The following ARPC5L variants were observed in gnomAD, a reference collection of about 807,000 sequenced individuals.
ARPC5L encodes the protein actin related protein 2/3 complex subunit 5 like.
A neutral mutation model predicts 16.9 loss-of-function variants in ARPC5L; 4 were observed. The ratio of observed to expected loss-of-function variants is 0.24; its 90% CI spans 0.12 to 0.54. ARPC5L has a LOEUF of 0.54. ARPC5L is among the 20% of genes least tolerant of loss of function. The probability of loss-of-function intolerance (pLI) is 0.95; values close to 1 mark genes in which losing one functional copy is unlikely to be tolerated. For synonymous variants in ARPC5L, 78 were observed against 82.6 expected (o/e 0.94, Z 0.30); for missense variants, 151 against 201.9 (o/e 0.75, Z 1.53).
chr9:124,877,003 G>A lies in ARPC5L; in HGVS notation c.*63G>A. ...CTGGATGCCCAGGCTGGTGAAGAAG[G>A]GATTGACAATGGACCATCTTCCTAG... is the stretch of plus-strand genomic sequence containing the variant. On this transcript the variant is annotated 3_prime_UTR_variant, in exon 6 of 6. Transcript: ENST00000353214. 1 of 1,387,162 alleles carries A rather than the reference G, an allele frequency of 7.2e-7. No individual in the cohort carries two copies. The highest frequency in any genetic ancestry group is 1.2e-5 in the South Asian group (1 of 81,268). 85.9% of individuals were successfully genotyped at this position (1,387,162 alleles called of 1,614,324 possible). A position where few individuals can be genotyped will look rare whatever the true frequency, so the allele number is the denominator to read the frequency against.
Position 124,873,004 on chromosome 9 carries a change from A to G in ARPC5L, c.150-688A>G, listed in dbSNP as rs187433138. 6.6e-5 allele frequency: 10 copies of G among 152,378 alleles called. No individual in the cohort carries two copies. In the East Asian group the frequency reaches 1.9e-3, roughly 29 times the overall value. 9.4% of individuals were successfully genotyped at this position (152,378 alleles called of 1,614,324 possible). On this transcript the variant is annotated intron_variant, in intron 3 of 5. Coordinates refer to ENST00000353214, the MANE Select transcript of ARPC5L (RefSeq NM_030978.3). The stretch of plus-strand genomic sequence containing the variant: ...GTTGGCTGATGTAATTCAGTTTAAA[A>G]TAGGTGTCACCTTTGGGGACCTAAC...
At chr9:124,866,668 A>G (rs1326674598) in intron 2 of ARPC5L, among the ~76,000 whole-genome samples, 57 of 152,090 alleles carry the variant, frequency 3.7e-4, no homozygotes, top group Admixed American at 3.7e-3. Flanking sequence ...CGGTGAACTG[A>G]GATAGCCCCA....
In ARPC5L at chr9:124,874,446, C is replaced by A. The variant is rs540703205; in HGVS notation, c.223-529C>A. Reference sequence around the variant, plus strand: ...GGGTGCCATGGTTTATGCCTGTAATCCCAGCACTTTGGGAGGCAGGAGGAT... The same window carrying A: ...GGGTGCCATGGTTTATGCCTGTAATACCAGCACTTTGGGAGGCAGGAGGAT... On this transcript the variant is annotated intron_variant, in intron 4 of 5. Coordinates refer to ENST00000353214, the MANE Select transcript of ARPC5L (RefSeq NM_030978.3). Among the ~76,000 whole-genome samples, 2 of 152,164 alleles carry A rather than the reference C, an allele frequency of 1.3e-5. 1 individual carries two copies. The highest frequency in any genetic ancestry group is 1.3e-4 in the Admixed American group (2 of 15,280).
At chr9:124,876,421 G>T (rs146695043) in intron 5 of ARPC5L, among the ~76,000 whole-genome samples, 3 of 152,070 alleles carry the variant, frequency 2.0e-5, no homozygotes, top group Non-Finnish European at 4.4e-5. Flanking sequence ...GGGGAGGCAG[G>T]GTTGCAGTGA....
Position 124,869,487 on chromosome 9 carries a change from C to T in ARPC5L, c.149+48C>T, listed in dbSNP as rs1037288007. 4.3e-6 allele frequency: 6 copies of T among 1,404,644 alleles called. No individual in the cohort carries two copies. In the African/African-American group the frequency reaches 9.2e-5, roughly 21 times the overall value. The allele number at this position is 1,404,644 out of a possible 1,614,324, so 87.0% of individuals were successfully genotyped here. ...CCGGGCCTGCGCGCGGCCTTCTCAC[C>T]TTCCCACCTTCCCACCTTCTCGGGC... On this transcript the variant is annotated intron_variant, in intron 3 of 5. Coordinates refer to ENST00000353214, the MANE Select transcript of ARPC5L (RefSeq NM_030978.3).
At chr9:124,867,534 T>C (rs1338325541) in intron 2 of ARPC5L, among the ~76,000 whole-genome samples, 1 of 152,150 alleles carries the variant, frequency 6.6e-6, no homozygotes, top group South Asian at 2.1e-4. Context: ...TCGTATAATA[T>C]GGATTTTTAA....
At chr9:124,870,894 G>T (rs958189444) in intron 3 of ARPC5L, among the ~76,000 whole-genome samples, 2 of 152,180 alleles carry the variant, frequency 1.3e-5, no homozygotes, top group Non-Finnish European at 2.9e-5. Flanking sequence ...CTGCTTAGAG[G>T]CCTGGGCTTA....
chr9:124,874,701 TTTCTC>T (rs1199257594), intron 4 of ARPC5L, among the ~76,000 whole-genome samples: 1 of 137,500 alleles, frequency 7.3e-6, no homozygotes, highest in African/African-American at 2.6e-5. Flanking sequence ...CTCTCCCTCT[TTTCTC>T]TTCTCTCTCT....
chr9:124,868,232 C>T (rs1288666380), intron 2 of ARPC5L, among the ~76,000 whole-genome samples, 196 bp from the exon 3 acceptor site: 1 of 152,132 alleles, frequency 6.6e-6, no homozygotes, highest in Non-Finnish European at 1.5e-5. Context: ...AAATGAATCA[C>T]ATTCCAACTA....
chr9:124,867,134 G>A (rs1220202999), intron 2 of ARPC5L, among the ~76,000 whole-genome samples: 2 of 150,254 alleles, frequency 1.3e-5, no homozygotes, highest in Non-Finnish European at 1.5e-5. Flanking sequence ...CACCTCCTCA[G>A]GGACACCTTT....
chr9:124,867,310 T>C (rs752319035), intron 2 of ARPC5L, among the ~76,000 whole-genome samples: 52 of 151,946 alleles, frequency 3.4e-4, no homozygotes, highest in Middle Eastern at 3.4e-3. Flanking sequence ...CCTAGCTAAT[T>C]GTTGTGTTTT....
At chr9:124,862,525 T>TC (rs1472772503) in intron 1 of ARPC5L, 127 bp downstream of exon 1, 2 of 150,190 alleles carry the variant, frequency 1.3e-5, no homozygotes, top group African/African-American at 4.9e-5. Context: ...TTTTTTTTTT[T>TC]TTGAGACAGA....
rs1426597995 is a variant in ARPC5L, at chr9:124,868,748, G to A, written c.-543G>A. The A allele has an allele frequency of 6.6e-6, 1 of 152,500 alleles. No homozygotes were observed. Among genetic ancestry groups the A allele is most frequent in the Non-Finnish European group, 1.5e-5 (1 of 68,206 alleles). The allele number at this position is 152,500 out of a possible 1,614,324, so 9.4% of individuals were successfully genotyped here. Reference sequence around the variant, plus strand: ...CCTCCCGCGCCACTCCCCGGGCACAGGAACTCCTACTCATCCCTCAGTCAT... The same window carrying A: ...CCTCCCGCGCCACTCCCCGGGCACAAGAACTCCTACTCATCCCTCAGTCAT... On this transcript the variant is annotated 5_prime_UTR_variant, in exon 3 of 6. Coordinates refer to ENST00000353214, the MANE Select transcript of ARPC5L (RefSeq NM_030978.3).
chr9:124,869,070 C>T lies in ARPC5L; in HGVS notation c.-221C>T, dbSNP rs1247768692. 4.7e-6 allele frequency: 2 copies of T among 424,256 alleles called. No homozygotes were observed. The highest frequency in any genetic ancestry group is 2.1e-5 in the African/African-American group (1 of 48,006). The allele number at this position is 424,256 out of a possible 1,614,324, so 26.3% of individuals were successfully genotyped here. A position where few individuals can be genotyped will look rare whatever the true frequency, so the allele number is the denominator to read the frequency against. The stretch of plus-strand genomic sequence containing the variant: ...GGGAGGCTGCGGTGATCCCATACCG[C>T]ACTCCAGGTGCCAGGCTCCGCCCCG... On this transcript the variant is annotated 5_prime_UTR_variant, in exon 3 of 6. Transcript: ENST00000353214.
At chr9:124,869,563 C>T (rs1829325379) in intron 3 of ARPC5L, 124 bp downstream of exon 3, 7 of 1,357,810 alleles carry the variant, frequency 5.2e-6, no homozygotes, top group Non-Finnish European at 6.6e-6. Flanking sequence ...CTCAGGTCAG[C>T]CTCCAGCTCC....
Position 124,869,236 on chromosome 9 carries a change from A to G in ARPC5L, c.-55A>G, listed in dbSNP as rs1487799713. ...GAGCAGGAGCCGGTGCGAGCGGAGC[A>G]GAGCCGAGGTCGGGCCGCGAGCGGA... is the stretch of plus-strand genomic sequence containing the variant. On this transcript the variant is annotated 5_prime_UTR_variant, in exon 3 of 6. Transcript: ENST00000353214. 1.4e-6 allele frequency: 2 copies of G among 1,467,296 alleles called. No individual in the cohort carries two copies. Among genetic ancestry groups the G allele is most frequent in the Admixed American group, 2.5e-5 (1 of 40,190 alleles). The allele number at this position is 1,467,296 out of a possible 1,614,324, so 90.9% of individuals were successfully genotyped here.
intron 2 of ARPC5L, among the ~76,000 whole-genome samples, chr9:124,867,042 T>A (rs1398354654): frequency 2.6e-5 from 4 of 151,986 alleles, no homozygotes; most frequent in Non-Finnish European, 4.4e-5. Context: ...CCTGGCTGTT[T>A]CTCGAATATA....
intron 3 of ARPC5L, among the ~76,000 whole-genome samples, chr9:124,872,055 C>T (rs1056624306): frequency 1.3e-5 from 2 of 152,192 alleles, no homozygotes; most frequent in African/African-American, 2.4e-5. Context: ...CGCCCCACAT[C>T]TCCCAACTGC....
At chr9:124,871,686 C>T (rs934423967) in intron 3 of ARPC5L, among the ~76,000 whole-genome samples, 1 of 152,174 alleles carries the variant, frequency 6.6e-6, no homozygotes, top group African/African-American at 2.4e-5. Flanking sequence ...GTTCCTTTCC[C>T]CTTCAGTGAA....
Sources: allele counts gnomAD v4.1 joint callset (sites outside exome capture counted in the v4.1 genomes callset), GRCh38; gene constraint gnomAD v4.1.1; transcripts MANE v1.5; gene names NCBI Gene and HGNC (gene_info 2026-07-23, HGNC 2026-07-21).